Variants in IGF1R observed in about 807,000 individuals in gnomAD.
The protein encoded by IGF1R is insulin like growth factor 1 receptor.
In IGF1R, 44 loss-of-function variants were observed where a neutral mutation model predicts 144.6. The observed-to-expected ratio is 0.30, with a 90% CI of 0.24 to 0.39. The LOEUF (loss-of-function observed/expected upper bound fraction) is 0.39. Among genes scored for constraint, IGF1R ranks in the 10% least tolerant of loss-of-function variants. IGF1R has a pLI of 1.00. For synonymous variants in IGF1R, 795 were observed against 722.8 expected, an observed-to-expected ratio of 1.10 and a Z score of -1.60; for missense variants, 1,355 against 1,833.7, an observed-to-expected ratio of 0.74 and a Z score of 4.77.
chr15:98,821,347 C>G (rs1213308982), intron 2 of IGF1R, among the ~76,000 whole-genome samples: 1 of 151,530 alleles, frequency 6.6e-6, no homozygotes, highest in Non-Finnish European at 1.5e-5. Flanking sequence ...CTAGAATTAG[C>G]TGCTTCTTAC....
In IGF1R at chr15:98,708,106, A is replaced by G; in HGVS notation, c.639A>G (p.Lys213=). The change falls in exon 2 of 21, where the codon AAA becomes AAG. Residue 213 remains lysine, a splice_region_variant and synonymous_variant. Transcript: ENST00000650285. ...GCTGGACCACAAACCGCTGCCAGAAAAGTAAGAATGATGCTGACTGCTGCT... is the reference window on the plus strand; with the variant it reads ...GCTGGACCACAAACCGCTGCCAGAAGAGTAAGAATGATGCTGACTGCTGCT... ...YRCWTTNRCQ[K]MCPSTCGKRA... 1 of 1,612,224 alleles carries G rather than the reference A, an allele frequency of 6.2e-7. No homozygotes were observed.
chr15:98,838,448 A>G (rs2011124314), intron 2 of IGF1R, among the ~76,000 whole-genome samples: 1 of 152,208 alleles, frequency 6.6e-6, no homozygotes, highest in African/African-American at 2.4e-5. Flanking sequence ...TTAGTGGAAT[A>G]TTGATAGTTA....
intron 1 of IGF1R, among the ~76,000 whole-genome samples, chr15:98,662,052 T>C (rs1355675406): frequency 6.8e-6 from 1 of 147,732 alleles, no homozygotes; most frequent in Admixed American, 6.9e-5. Flanking sequence ...AACCTCTGCC[T>C]TACTGCAACC....
chr15:98,874,798 G>C (rs2012970269), intron 2 of IGF1R, among the ~76,000 whole-genome samples: 2 of 152,238 alleles, frequency 1.3e-5, no homozygotes, highest in African/African-American at 4.8e-5. Context: ...ATACAGCCTA[G>C]CTTGGGGGTG....
At chr15:98,726,697 A>G (rs1265218748) in intron 2 of IGF1R, among the ~76,000 whole-genome samples, 1 of 140,656 alleles carries the variant, frequency 7.1e-6, no homozygotes, top group Non-Finnish European at 1.6e-5. Context: ...GGCAGAATTC[A>G]TTTTTACATT....
At chr15:98,768,309 A>T (rs2055487043) in intron 2 of IGF1R, among the ~76,000 whole-genome samples, 1 of 152,156 alleles carries the variant, frequency 6.6e-6, no homozygotes, top group South Asian at 2.1e-4. Context: ...AGAGGTATCA[A>T]ATTTTAAAGT....
rs2017175768 is a variant in IGF1R, at chr15:98,960,376, C to CGAG, written c.*2936_*2938dup. 1 of 232,872 alleles carries CGAG rather than the reference C, an allele frequency of 4.3e-6. No individual in the cohort carries two copies. Among genetic ancestry groups the CGAG allele is most frequent in the South Asian group, 1.8e-4 (1 of 5,536 alleles). 14.4% of individuals were successfully genotyped at this position (232,872 alleles called of 1,614,324 possible). A position where few individuals can be genotyped will look rare whatever the true frequency, so the allele number is the denominator to read the frequency against. ...TAGCCAGGTGGCCCTGTGAGGCCAACGAGGGCACCAGAGCACACCTGGGGG... is the reference window on the plus strand; with the variant it reads ...TAGCCAGGTGGCCCTGTGAGGCCAACGAGGAGGGCACCAGAGCACACCTGGGGG... On this transcript the variant is annotated 3_prime_UTR_variant, in exon 21 of 21. Transcript: ENST00000650285.
intron 1 of IGF1R, among the ~76,000 whole-genome samples, chr15:98,673,900 A>T (rs1003951006): frequency 6.6e-6 from 1 of 152,328 alleles, no homozygotes. Flanking sequence ...TCATCCAGTG[A>T]ACTTTCCACT....
intron 5 of IGF1R, among the ~76,000 whole-genome samples, chr15:98,904,835 AG>A (rs1411786342): frequency 4.6e-5 from 7 of 152,232 alleles, no homozygotes; most frequent in Non-Finnish European, 8.8e-5. Flanking sequence ...TCCATTTATC[AG>A]GGCACAGGAC....
At chr15:98,705,907 C>T (rs1024935649) in intron 1 of IGF1R, among the ~76,000 whole-genome samples, 1 of 152,222 alleles carries the variant, frequency 6.6e-6, no homozygotes. Context: ...TCAACTGCTC[C>T]CCTCTTCACC....
rs920315344 is a variant in IGF1R, at chr15:98,869,468, C to T, written c.641-21857C>T. Among the ~76,000 whole-genome samples, 3 of 150,032 alleles carry T rather than the reference C, an allele frequency of 2.0e-5. No homozygotes were observed. In the East Asian group the frequency reaches 5.8e-4, roughly 29 times the overall value. ...TTTTTTTTTTAGACGGCGTTTCGCC[C>T]TTGTTGCCCAGGCTGGAGTGCAATG... On this transcript the variant is annotated intron_variant, in intron 2 of 20. Coordinates refer to ENST00000650285, the MANE Select transcript of IGF1R (RefSeq NM_000875.5).
At chr15:98,737,749 G>A (rs906748518) in intron 2 of IGF1R, among the ~76,000 whole-genome samples, 6 of 152,164 alleles carry the variant, frequency 3.9e-5, no homozygotes, top group Admixed American at 3.3e-4. Context: ...GAGATGATGA[G>A]GTAGAGTGGA....
At chr15:98,735,269 A>G (rs890056520) in intron 2 of IGF1R, among the ~76,000 whole-genome samples, 1 of 152,198 alleles carries the variant, frequency 6.6e-6, no homozygotes, top group Non-Finnish European at 1.5e-5. Flanking sequence ...AATTGGCTCA[A>G]GCGGAAAAGA....
intron 1 of IGF1R, among the ~76,000 whole-genome samples, chr15:98,662,945 G>A (rs143638878): frequency 2.1e-4 from 32 of 152,262 alleles, no homozygotes; most frequent in South Asian, 6.2e-4. Flanking sequence ...TTGCACCATT[G>A]CAGTGGACCC....
rs781679552 is a variant in IGF1R, at chr15:98,924,593, C to G, written c.2691C>G (p.Asn897Lys). 1 of 1,614,038 alleles carries G rather than the reference C, an allele frequency of 6.2e-7. No homozygotes were observed. The highest frequency in any genetic ancestry group is 8.5e-7 in the Non-Finnish European group (1 of 1,179,892). Reference sequence around the variant, plus strand: ...GAGGGGCCAAGCTAAACCGGCTAAACCCGGGGAACTACACAGCCCGGATTC... The same window carrying G: ...GAGGGGCCAAGCTAAACCGGCTAAAGCCGGGGAACTACACAGCCCGGATTC... ...KYGGAKLNRL[N>K]PGNYTARIQA... The change falls in exon 13 of 21, where the codon AAC becomes AAG. Residue 897 changes from asparagine to lysine, a missense_variant. By Grantham distance (94) the Asn-to-Lys change is moderately conservative. Coordinates refer to ENST00000650285, the MANE Select transcript of IGF1R (RefSeq NM_000875.5).
At chr15:98,931,366 AATT>A (rs2015934025) in intron 15 of IGF1R, among the ~76,000 whole-genome samples, 1 of 152,244 alleles carries the variant, frequency 6.6e-6, no homozygotes, top group Non-Finnish European at 1.5e-5. Flanking sequence ...TGATTATTCT[AATT>A]ATTGTGATCA....
At chr15:98,676,927 A>G (rs1047383105) in intron 1 of IGF1R, among the ~76,000 whole-genome samples, 2 of 151,742 alleles carry the variant, frequency 1.3e-5, no homozygotes, top group African/African-American at 2.4e-5. Context: ...TTTTTTTTCA[A>G]TTAAAAAAAA....
intron 2 of IGF1R, among the ~76,000 whole-genome samples, chr15:98,833,940 A>G (rs1049697449): frequency 6.6e-6 from 1 of 152,184 alleles, no homozygotes; most frequent in African/African-American, 2.4e-5. Context: ...AACTCTGGTA[A>G]TTACTCGAAT....
chr15:98,884,510 C>T lies in IGF1R; in HGVS notation c.641-6815C>T, dbSNP rs1225903608. On this transcript the variant is annotated intron_variant, in intron 2 of 20. Coordinates refer to ENST00000650285, the MANE Select transcript of IGF1R (RefSeq NM_000875.5). ...GAGATTGAGACCATCCTGGGTAACA[C>T]GGTGAAACCCTGTCTCTGCTAAAAA... Among the ~76,000 whole-genome samples the T allele has an allele frequency of 3.3e-5, 5 of 151,952 alleles. No homozygotes were observed. In the South Asian group the frequency reaches 6.3e-4, roughly 19 times the overall value.
Sources: allele counts gnomAD v4.1 joint callset (sites outside exome capture counted in the v4.1 genomes callset), GRCh38; gene constraint gnomAD v4.1.1; transcripts MANE v1.5; gene names NCBI Gene and HGNC (gene_info 2026-07-23, HGNC 2026-07-21).